CPLX2: variants seen among roughly 807,000 people sequenced by gnomAD.
The protein encoded by CPLX2 is complexin 2, also known as complexin-2.
CPLX2 carries 5 observed loss-of-function variants against 16.3 expected under a neutral mutation model. The ratio of observed to expected loss-of-function variants is 0.31; its 90% confidence interval spans 0.16 to 0.64. The LOEUF (loss-of-function observed/expected upper bound fraction) is 0.64, where lower values mean the gene tolerates loss of function less well. CPLX2 is among the 30% of genes least tolerant of loss of function. The pLI is 0.79. For missense variants in CPLX2, 144 were observed against 181.4 expected (o/e 0.79, Z 1.18); for synonymous variants, 89 against 73.2 (o/e 1.22, Z -1.10).
intron 1 of CPLX2, among the ~76,000 whole-genome samples, chr5:175,802,474 C>T (rs113804708): frequency 0.01 from 1,552 of 152,330 alleles, 20 homozygotes; most frequent in African/African-American, 0.035. Flanking sequence ...AGAGGCAGGC[C>T]TTTTTGTTCC....
intron 2 of CPLX2, among the ~76,000 whole-genome samples, chr5:175,860,538 A>AAGAT (rs1225816784): frequency 6.4e-4 from 19 of 29,728 alleles, no homozygotes; most frequent in East Asian, 4.0e-3. Flanking sequence ...GAAAGAAAGA[A>AAGAT]AGATAGATAG....
chr5:175,811,314 C>T (rs1758308518), intron 2 of CPLX2, among the ~76,000 whole-genome samples: 1 of 152,178 alleles, frequency 6.6e-6, no homozygotes, highest in African/African-American at 2.4e-5. Flanking sequence ...GTTGGCCTGT[C>T]TCCAGGCCAG....
chr5:175,863,053 C>G (rs1245878997), intron 2 of CPLX2, among the ~76,000 whole-genome samples: 1 of 152,210 alleles, frequency 6.6e-6, no homozygotes, highest in Non-Finnish European at 1.5e-5. Flanking sequence ...AGAGCAGAGG[C>G]AGGAGAAGTG....
At chr5:175,821,986 C>A (rs1468015267) in intron 2 of CPLX2, among the ~76,000 whole-genome samples, 1 of 152,176 alleles carries the variant, frequency 6.6e-6, no homozygotes, top group Non-Finnish European at 1.5e-5. Flanking sequence ...TTTTTAGTCA[C>A]CTTGAAATAC....
chr5:175,825,260 G>A (rs2113650313), intron 2 of CPLX2, among the ~76,000 whole-genome samples: 1 of 152,134 alleles, frequency 6.6e-6, no homozygotes, highest in African/African-American at 2.4e-5. Context: ...TGGGGATGGT[G>A]GCATGCACCT....
Position 175,874,018 on chromosome 5 carries a change from G to A in CPLX2, c.-89+2313G>A, listed in dbSNP as rs188299699. 3.1e-3 allele frequency among the ~76,000 whole-genome samples: 478 copies of A among 152,344 alleles called. 17 individuals are homozygous for A. The highest frequency in any genetic ancestry group is 0.029 in the Admixed American group (442 of 15,304). On this transcript the variant is annotated intron_variant, in intron 1 of 3. Coordinates refer to ENST00000393745, the MANE Select transcript of CPLX2 (RefSeq NM_001008220.2). ...GAGCCCTGTGCAAGAGGTGGCACAC[G>A]AGCAGCAAGGAAGACGGGTGCTAGA...
intron 2 of CPLX2, among the ~76,000 whole-genome samples, chr5:175,859,215 G>A (rs1181910822): frequency 6.6e-6 from 1 of 152,204 alleles, no homozygotes; most frequent in Non-Finnish European, 1.5e-5. Flanking sequence ...TTGATGACTT[G>A]GAATCAGGAG....
chr5:175,800,959 G>A (rs901828774), intron 1 of CPLX2, among the ~76,000 whole-genome samples: 1 of 152,172 alleles, frequency 6.6e-6, no homozygotes, highest in Non-Finnish European at 1.5e-5. Context: ...AGAGGAAATC[G>A]CTCTGGCAGA....
At chr5:175,806,974 G>A (rs1758218568) in intron 1 of CPLX2, among the ~76,000 whole-genome samples, 1 of 152,234 alleles carries the variant, frequency 6.6e-6, no homozygotes, top group African/African-American at 2.4e-5. Context: ...GCTAGCGGGA[G>A]TGTTAAGGAT....
At position 175,843,302 on chromosome 5, in the gene CPLX2, A is replaced by G. The variant is rs562533510; in HGVS notation, c.-89+34234A>G. ...TCAAAGCAGTAGCCAGAAAGCCCCA[A>G]GCTGTAAACACTGGCTCCCAAGGCA... is the stretch of plus-strand genomic sequence containing the variant. On this transcript the variant is annotated intron_variant, in intron 2 of 4. Coordinates refer to the CPLX2 transcript ENST00000359546. Among the ~76,000 whole-genome samples, 5 of 152,352 alleles carry G rather than the reference A, an allele frequency of 3.3e-5. No individual in the cohort carries two copies. In the East Asian group the frequency reaches 9.6e-4, roughly 29 times the overall value.
intron 2 of CPLX2, among the ~76,000 whole-genome samples, chr5:175,850,768 A>G (rs1479947048): frequency 6.6e-6 from 1 of 152,046 alleles, no homozygotes; most frequent in Non-Finnish European, 1.5e-5. Context: ...CACCATAGAA[A>G]GGGGTGAATT....
intron 1 of CPLX2, among the ~76,000 whole-genome samples, chr5:175,806,762 T>G (rs1045977644): frequency 2.0e-5 from 3 of 151,910 alleles, no homozygotes; most frequent in African/African-American, 7.3e-5. Context: ...CCTCCCAAAG[T>G]GCTGGGATTA....
Position 175,845,545 on chromosome 5 carries a change from G to C in CPLX2, c.-88-33107G>C, listed in dbSNP as rs1291612153. On this transcript the variant is annotated intron_variant, in intron 2 of 4. Transcript: ENST00000359546. This position sits in a 1 kb window ranked among gnomAD's most constrained non-coding sequence, Gnocchi z 4.0. The stretch of plus-strand genomic sequence containing the variant: ...CCCCCTAGAGTAACTGCCCCCATCT[G>C]CGTCACTGTGTGTTATTTTCTTCAT... Among the ~76,000 whole-genome samples the C allele has an allele frequency of 2.6e-5, 4 of 152,190 alleles. No individual in the cohort carries two copies. Among genetic ancestry groups the C allele is most frequent in the Non-Finnish European group, 4.4e-5 (3 of 68,032 alleles).
At chr5:175,810,028 C>T (rs571396550) in intron 2 of CPLX2, among the ~76,000 whole-genome samples, 8 of 152,304 alleles carry the variant, frequency 5.3e-5, no homozygotes, top group Admixed American at 3.3e-4. Context: ...GGCTGGGCTC[C>T]GAGCCCCAGC....
chr5:175,871,378 C>T (rs570466961), upstream of CPLX2: 1 of 80,620 alleles, frequency 1.2e-5, no homozygotes, highest in Non-Finnish European at 2.2e-5. Context: ...AAGGAGGGGA[C>T]GAGGGGGGAG....
At chr5:175,848,964 G>A (rs1011042440) in intron 2 of CPLX2, among the ~76,000 whole-genome samples, 1 of 152,152 alleles carries the variant, frequency 6.6e-6, no homozygotes, top group Non-Finnish European at 1.5e-5. Context: ...TAGAGGAGAC[G>A]GCTCAGTTTG....
intron 2 of CPLX2, among the ~76,000 whole-genome samples, chr5:175,851,489 TC>T (rs1367041470): frequency 2.0e-5 from 3 of 152,104 alleles, no homozygotes; most frequent in African/African-American, 7.2e-5. Flanking sequence ...GAGGGAGATT[TC>T]CCCCACAAGA....
chr5:175,834,033 AG>A lies in CPLX2; in HGVS notation c.-89+24968del, dbSNP rs775248337. On this transcript the variant is annotated intron_variant, in intron 2 of 4. Transcript: ENST00000359546. ...CTGTTTTAGCGCAAGATTTTGCTTC[AG>A]GGTAAATCCTACGTTTCCCAAACCA... 3.3e-5 allele frequency among the ~76,000 whole-genome samples: 5 copies of A among 152,282 alleles called. No individual in the cohort carries two copies. In the East Asian group the frequency reaches 9.7e-4, roughly 29 times the overall value.
chr5:175,879,956 G>C lies in CPLX2; in HGVS notation c.316G>C (p.Gly106Arg). ...RPKKAIPAGCGDEEEEEEESI... is the reference protein window; with the variant it reads ...RPKKAIPAGCRDEEEEEEESI... ...CAAGAAGGCCATCCCTGCGGGCTGCGGGGACGAGGAGGAGGAGGAAGAGGA... is the reference window on the plus strand; with the variant it reads ...CAAGAAGGCCATCCCTGCGGGCTGCCGGGACGAGGAGGAGGAGGAAGAGGA... Residue 106 changes from glycine (G) to arginine (R), a missense_variant, in exon 4 of 4, where the codon GGG becomes CGG. Transcript: ENST00000393745. 2.5e-6 allele frequency: 4 copies of C among 1,613,986 alleles called. No individual in the cohort carries two copies. Among genetic ancestry groups the C allele is most frequent in the Non-Finnish European group, 3.4e-6 (4 of 1,179,960 alleles).
Sources: allele counts gnomAD v4.1 joint callset (sites outside exome capture counted in the v4.1 genomes callset), GRCh38; gene constraint gnomAD v4.1.1; non-coding constraint Gnocchi (gnomAD v3.1); transcripts MANE v1.5; gene names NCBI Gene and HGNC (gene_info 2026-07-23, HGNC 2026-07-21).